Variants in SYT14 observed in about 807,000 individuals in gnomAD.
SYT14 encodes the protein synaptotagmin-14.
In SYT14, 32 loss-of-function variants were observed where a neutral mutation model predicts 74.2. That is an observed-to-expected ratio of 0.43 (90% CI 0.33 to 0.58). The LOEUF is 0.58. Among genes scored for constraint, SYT14 ranks in the 20% least tolerant of loss-of-function variants. The probability of loss-of-function intolerance (pLI) is 0.05; values close to 1 mark genes in which losing one functional copy is unlikely to be tolerated. For synonymous variants in SYT14, 298 were observed against 337.7 expected (o/e 0.88, Z 1.29); for missense variants, 791 against 981.8 (o/e 0.81, Z 2.60).
chr1:210,148,848 G>A (rs996324276), intron 7 of SYT14, among the ~76,000 whole-genome samples: 8 of 152,052 alleles, frequency 5.3e-5, no homozygotes, highest in Non-Finnish European at 1.2e-4. Flanking sequence ...CTCTTTCGAG[G>A]CTTATATAAT....
At chr1:210,165,489 T>C (rs1356913892) in exon 10 of SYT14, 1 of 152,202 alleles carries the variant, frequency 6.6e-6, no homozygotes, top group Admixed American at 6.5e-5. Flanking sequence ...TCAGTTCTGC[T>C]CCTTGACCAC....
intron 2 of SYT14, among the ~76,000 whole-genome samples, chr1:209,995,137 A>G (rs932296353): frequency 2.0e-5 from 3 of 152,216 alleles, no homozygotes; most frequent in Non-Finnish European, 4.4e-5. Context: ...AAAATCATAC[A>G]TATCAATACT....
chr1:210,162,152 G>C, exon 10 of SYT14: 2 of 439,052 alleles, frequency 4.6e-6, no homozygotes, highest in Non-Finnish European at 9.2e-6. Context: ...ACAGTTATGA[G>C]ATTCCTTATG....
chr1:210,017,550 A>G (rs375729195), intron 4 of SYT14, among the ~76,000 whole-genome samples: 17 of 152,292 alleles, frequency 1.1e-4, no homozygotes, highest in East Asian at 3.9e-4. Context: ...TTTGAGAGCA[A>G]TAGATTTTAT....
At chr1:210,108,330 A>G (rs1326966419) in intron 7 of SYT14, among the ~76,000 whole-genome samples, 1 of 152,218 alleles carries the variant, frequency 6.6e-6, no homozygotes, top group African/African-American at 2.4e-5. Context: ...TCATGAAGGA[A>G]GGAATAATCA....
chr1:210,123,506 A>G (rs972362796), intron 7 of SYT14, among the ~76,000 whole-genome samples: 3 of 152,214 alleles, frequency 2.0e-5, no homozygotes, highest in African/African-American at 7.2e-5. Context: ...GTATAGTTGT[A>G]TTTCCATCCA....
intron 2 of SYT14, among the ~76,000 whole-genome samples, chr1:209,981,450 C>CTTTTTTTTTTTTTTTTTTTTTT (rs1183885685): frequency 1.0e-5 from 1 of 99,052 alleles, no homozygotes; most frequent in African/African-American, 4.0e-5. Context: ...TTTTTCTTTT[C>CTTTTTTTTTTTTTTTTTTTTTT]TTTTTTTTTT....
intron 2 of SYT14, among the ~76,000 whole-genome samples, chr1:209,990,529 ATATATATACG>A (rs1162042983): frequency 3.7e-5 from 2 of 54,496 alleles, no homozygotes; most frequent in East Asian, 2.0e-3. Flanking sequence ...TTTCACATAT[ATATATATACG>A]TATATATATG....
intron 5 of SYT14, among the ~76,000 whole-genome samples, chr1:210,066,571 G>A (rs547969332): frequency 6.6e-6 from 1 of 152,044 alleles, no homozygotes; most frequent in Non-Finnish European, 1.5e-5. Context: ...TTTTGATGGG[G>A]TTGTTTGTTT....
At chr1:209,958,583 A>T (rs923567742) in intron 2 of SYT14, among the ~76,000 whole-genome samples, 17 of 151,954 alleles carry the variant, frequency 1.1e-4, no homozygotes, top group Non-Finnish European at 1.9e-4. Flanking sequence ...CTCTATAATG[A>T]TCTTGCATTT....
chr1:209,976,901 C>T (rs1299490785), intron 2 of SYT14, among the ~76,000 whole-genome samples: 1 of 152,046 alleles, frequency 6.6e-6, no homozygotes, highest in Non-Finnish European at 1.5e-5. Context: ...GTATTGGGTG[C>T]ATATATATTT....
At chr1:209,987,028 G>A (rs962613986) in intron 2 of SYT14, among the ~76,000 whole-genome samples, 9 of 152,182 alleles carry the variant, frequency 5.9e-5, no homozygotes, top group African/African-American at 1.2e-4. Context: ...CCAGTTCCCA[G>A]TGTGTTTGTC....
chr1:210,098,498 A>G (rs1484788594), intron 6 of SYT14, among the ~76,000 whole-genome samples: 1 of 152,094 alleles, frequency 6.6e-6, no homozygotes, highest in Non-Finnish European at 1.5e-5. Flanking sequence ...GAGCTGACCC[A>G]CACTTCCTGT....
chr1:210,050,567 C>T (rs918563864), intron 5 of SYT14, among the ~76,000 whole-genome samples: 2 of 152,162 alleles, frequency 1.3e-5, no homozygotes, highest in African/African-American at 2.4e-5. Context: ...TGCATTAGTC[C>T]GTTTTTACAC....
chr1:210,013,309 G>T (rs1445172520), intron 2 of SYT14, among the ~76,000 whole-genome samples: 1 of 151,826 alleles, frequency 6.6e-6, no homozygotes, highest in Non-Finnish European at 1.5e-5. Context: ...GGCCTCAAGA[G>T]GTTCTCCCAC....
intron 7 of SYT14, among the ~76,000 whole-genome samples, chr1:210,133,694 T>C (rs553660426): frequency 1.3e-5 from 2 of 152,170 alleles, no homozygotes; most frequent in Non-Finnish European, 2.9e-5. Flanking sequence ...CTTTTGCTTC[T>C]TGTGCAAGGT....
rs941809859 is a variant in SYT14 at position 209,997,293 on chromosome 1, G to A, written c.-485-16340G>A. On this transcript the variant is annotated intron_variant, in intron 2 of 9. Transcript: ENST00000637265. ...CAAGGTTTCAGGATATGAAATCAGT[G>A]TACAAAAATCAGTAGCATTTCTATA... Among the ~76,000 whole-genome samples, 5 of 152,074 alleles carry A rather than the reference G, an allele frequency of 3.3e-5. No homozygotes were observed. The South Asian group carries it at 1.0e-3, about 31-fold the overall frequency.
At chr1:210,139,142 G>A (rs933858580) in intron 7 of SYT14, among the ~76,000 whole-genome samples, 10 of 149,896 alleles carry the variant, frequency 6.7e-5, no homozygotes, top group South Asian at 2.1e-4. Flanking sequence ...GCTGGAGTGC[G>A]GTGGTGTAAT....
intron 6 of SYT14, among the ~76,000 whole-genome samples, chr1:210,095,666 AT>A (rs2102530221): frequency 6.6e-6 from 1 of 152,358 alleles, no homozygotes; most frequent in Non-Finnish European, 1.5e-5. Flanking sequence ...TGCTGCCAAA[AT>A]TAAATAATAG....
Sources: allele counts gnomAD v4.1 joint callset (sites outside exome capture counted in the v4.1 genomes callset), GRCh38; gene constraint gnomAD v4.1.1; transcripts MANE v1.5; gene names NCBI Gene and HGNC (gene_info 2026-07-23, HGNC 2026-07-21).